Variants in WDPCP observed in about 807,000 individuals in gnomAD.
WDPCP encodes the protein WD repeat-containing and planar cell polarity effector protein fritz homolog.
Under a neutral mutation model 93.1 loss-of-function variants are expected in WDPCP, and 71 were observed. The observed-to-expected ratio is 0.76, with a 90% confidence interval of 0.63 to 0.93. The LOEUF is 0.93. WDPCP is among the 40% of genes least tolerant of loss of function. The pLI is 0.00. For synonymous variants in WDPCP, 315 were observed against 315.0 expected, an observed-to-expected ratio of 1.00 and a Z score of 0.00; for missense variants, 844 against 887.4, an observed-to-expected ratio of 0.95 and a Z score of 0.62.
chr2:63,525,713 G>C (rs1703286125), intron 1 of WDPCP, among the ~76,000 whole-genome samples: 1 of 152,150 alleles, frequency 6.6e-6, no homozygotes. Flanking sequence ...TAGAGAGAAG[G>C]GCTGACTGCC....
chr2:63,752,471 C>A, intron 2 of WDPCP: 1 of 784,484 alleles, frequency 1.3e-6, no homozygotes, highest in Non-Finnish European at 2.3e-6. Context: ...AAACCCAAAG[C>A]CCCTGGAGCG....
At chr2:63,601,012 G>A (rs573506596) in intron 3 of WDPCP, among the ~76,000 whole-genome samples, 4 of 152,318 alleles carry the variant, frequency 2.6e-5, no homozygotes, top group African/African-American at 9.6e-5. Flanking sequence ...ACTTCAAAGA[G>A]ATACTTTGTC....
chr2:63,491,749 T>C (rs907248537), intron 2 of WDPCP, among the ~76,000 whole-genome samples: 16 of 152,358 alleles, frequency 1.1e-4, no homozygotes, highest in African/African-American at 3.6e-4. Context: ...GTCCCTTTAC[T>C]GTCACTCTGA....
intron 1 of WDPCP, among the ~76,000 whole-genome samples, chr2:63,502,574 A>G (rs552604901): frequency 6.6e-6 from 1 of 152,190 alleles, no homozygotes; most frequent in African/African-American, 2.4e-5. Flanking sequence ...ATGAAACCAA[A>G]CATCTTTTCA....
chr2:63,141,475 T>C (rs754749588), intron 17 of WDPCP, among the ~76,000 whole-genome samples: 1 of 152,242 alleles, frequency 6.6e-6, no homozygotes, highest in Admixed American at 6.5e-5. Context: ...CACTTGATCA[T>C]GGTGGATTAT....
chr2:63,475,505 T>C (rs1211915047), intron 6 of WDPCP, among the ~76,000 whole-genome samples: 2 of 152,302 alleles, frequency 1.3e-5, no homozygotes, highest in African/African-American at 2.4e-5. Flanking sequence ...TAATATTTTA[T>C]ACATTAGTTT....
intron 12 of WDPCP, among the ~76,000 whole-genome samples, chr2:63,363,525 G>A (rs572733916): frequency 4.6e-5 from 7 of 152,124 alleles, no homozygotes; most frequent in Non-Finnish European, 8.8e-5. Context: ...TTGAGCCTGA[G>A]AGGTTGAGGC....
At chr2:63,770,034 A>G (rs1428760227) in intron 2 of WDPCP, among the ~76,000 whole-genome samples, 1 of 151,970 alleles carries the variant, frequency 6.6e-6, no homozygotes, top group Admixed American at 6.6e-5. Flanking sequence ...AAATGATTGA[A>G]ATGAAACAAA....
intron 2 of WDPCP, among the ~76,000 whole-genome samples, chr2:63,757,277 A>G (rs534236601): frequency 6.6e-6 from 1 of 152,330 alleles, no homozygotes; most frequent in Admixed American, 6.5e-5. Context: ...GGGGCCCTCA[A>G]AAGTTGTTCC....
chr2:63,265,369 G>A (rs1682012996), intron 13 of WDPCP, among the ~76,000 whole-genome samples: 1 of 151,960 alleles, frequency 6.6e-6, no homozygotes, highest in South Asian at 2.1e-4. Flanking sequence ...GAAATACAAA[G>A]AATCACAACA....
chr2:63,722,210 C>G (rs1197240738), intron 2 of WDPCP, among the ~76,000 whole-genome samples: 6 of 150,980 alleles, frequency 4.0e-5, no homozygotes, highest in African/African-American at 1.5e-4. Context: ...ATGTGAGGAG[C>G]CCCTCTGCCT....
intron 11 of WDPCP, among the ~76,000 whole-genome samples, chr2:63,381,432 G>T (rs1262040406): frequency 6.6e-6 from 1 of 152,048 alleles, no homozygotes; most frequent in Non-Finnish European, 1.5e-5. Flanking sequence ...AGAAGGAGCG[G>T]CCTGGGCTAC....
intron 13 of WDPCP, among the ~76,000 whole-genome samples, chr2:63,295,953 T>C (rs1234956909): frequency 6.7e-6 from 1 of 149,672 alleles, no homozygotes; most frequent in Non-Finnish European, 1.5e-5. Context: ...ACCAGTATCA[T>C]CCTGATACCA....
intron 8 of WDPCP, 107 bp from the exon 9 acceptor site, chr2:63,434,043 A>C: frequency 8.8e-7 from 1 of 1,132,400 alleles, no homozygotes; most frequent in Non-Finnish European, 1.3e-6. Context: ...ATGCAAGTAA[A>C]TATGCATGTT....
intron 2 of WDPCP, among the ~76,000 whole-genome samples, chr2:63,701,188 G>T (rs1380980582): frequency 1.3e-5 from 2 of 152,036 alleles, no homozygotes; most frequent in Admixed American, 1.3e-4. Context: ...TTAAAAATGG[G>T]CAAAAGATCT....
intron 6 of WDPCP, among the ~76,000 whole-genome samples, chr2:63,444,571 C>A (rs1374494398): frequency 6.6e-6 from 1 of 152,070 alleles, no homozygotes; most frequent in Non-Finnish European, 1.5e-5. Flanking sequence ...AAAAAGAGCA[C>A]CAAGACAGTG....
At chr2:63,578,719 G>T (rs544216738) in intron 1 of WDPCP, among the ~76,000 whole-genome samples, 1 of 152,272 alleles carries the variant, frequency 6.6e-6, no homozygotes, top group East Asian at 1.9e-4. Flanking sequence ...AAAGCAGAAA[G>T]ATTTTAAAAA....
intron 17 of WDPCP, among the ~76,000 whole-genome samples, chr2:63,152,599 TA>T (rs1392949871): frequency 6.6e-6 from 1 of 152,174 alleles, no homozygotes; most frequent in Non-Finnish European, 1.5e-5. Flanking sequence ...AATTCACCTA[TA>T]TCCCTTCTAC....
At chr2:63,230,758 T>G (rs1225519022) in intron 14 of WDPCP, among the ~76,000 whole-genome samples, 1 of 152,214 alleles carries the variant, frequency 6.6e-6, no homozygotes, top group Non-Finnish European at 1.5e-5. Flanking sequence ...TATGTTCATA[T>G]CCTTTGCCTA....
Sources: gnomAD v4.1 joint callset for allele counts (sites outside exome capture counted in the v4.1 genomes callset) on GRCh38, gnomAD v4.1.1 for gene constraint, MANE v1.5 for transcripts, NCBI Gene and HGNC (gene_info 2026-07-23, HGNC 2026-07-21) for gene names.